The following DRC8 variants were observed in gnomAD, a reference collection of about 807,000 sequenced individuals.
DRC8 encodes dynein regulatory complex protein 8.
At chr1:245,039,472 C>CT in the DRC8 span, among the ~76,000 whole-genome samples, 1 of 127,048 alleles carries the variant, frequency 7.9e-6, no homozygotes, top group Non-Finnish European at 1.6e-5. Flanking sequence ...GACGCTGCCT[C>CT]TTAAAAAAAA....
chr1:245,014,031 C>CAAAAAAAAAAAAAAAAAAAGAAAAAA, the DRC8 span, among the ~76,000 whole-genome samples: 3 of 93,144 alleles, frequency 3.2e-5, no homozygotes, highest in Non-Finnish European at 5.8e-5. Context: ...GACTCCATCT[C>CAAAAAAAAAAAAAAAAAAAGAAAAAA]AAAAAAAAAA....
At chr1:245,022,732 T>C in the DRC8 span, among the ~76,000 whole-genome samples, 1 of 152,156 alleles carries the variant, frequency 6.6e-6, no homozygotes, top group Non-Finnish European at 1.5e-5. Flanking sequence ...TGTGTGTGTG[T>C]GTGCATGTGT....
chr1:245,113,764 C>A, the DRC8 span, among the ~76,000 whole-genome samples: 10 of 152,124 alleles, frequency 6.6e-5, no homozygotes, highest in South Asian at 2.1e-4. Context: ...ACACTTTACG[C>A]GCTTTATCTC....
the DRC8 span, among the ~76,000 whole-genome samples, chr1:244,978,474 A>T: frequency 6.9e-6 from 1 of 144,576 alleles, no homozygotes; most frequent in Non-Finnish European, 1.5e-5. Flanking sequence ...CTAGGCAACA[A>T]GAGCGGAACT....
chr1:245,077,962 C>T, the DRC8 span, among the ~76,000 whole-genome samples: 1 of 151,990 alleles, frequency 6.6e-6, no homozygotes, highest in Admixed American at 6.6e-5. Flanking sequence ...ATACATTTGA[C>T]AAGGGATTAA....
the DRC8 span, among the ~76,000 whole-genome samples, chr1:245,070,164 G>C: frequency 6.6e-6 from 1 of 152,126 alleles, no homozygotes; most frequent in Non-Finnish European, 1.5e-5. Flanking sequence ...TGAGGAGTCC[G>C]GGAACCAATC....
the DRC8 span, among the ~76,000 whole-genome samples, chr1:245,096,412 G>A: frequency 6.6e-6 from 1 of 152,238 alleles, no homozygotes; most frequent in Non-Finnish European, 1.5e-5. Context: ...CTGTGACAGT[G>A]TTTCCTAATG....
At chr1:245,092,075 G>A in the DRC8 span, among the ~76,000 whole-genome samples, 1 of 152,186 alleles carries the variant, frequency 6.6e-6, no homozygotes, top group African/African-American at 2.4e-5. Context: ...AGAGTCTGGC[G>A]ATCTTGTGCT....
the DRC8 span, among the ~76,000 whole-genome samples, chr1:244,997,244 A>G: frequency 6.6e-6 from 1 of 151,938 alleles, no homozygotes; most frequent in Non-Finnish European, 1.5e-5. Context: ...TCCTTCCAAC[A>G]CTTTCCATAG....
the DRC8 span, among the ~76,000 whole-genome samples, chr1:244,996,190 C>G: frequency 6.6e-6 from 1 of 152,186 alleles, no homozygotes; most frequent in Non-Finnish European, 1.5e-5. Flanking sequence ...GGCAGAGACT[C>G]TGCTTTCCTG....
chr1:245,004,350 T>C, the DRC8 span, among the ~76,000 whole-genome samples: 7 of 152,060 alleles, frequency 4.6e-5, no homozygotes, highest in African/African-American at 1.7e-4. Flanking sequence ...AAAACAAAAG[T>C]ATACTGACAC....
chr1:245,090,370 G>A, the DRC8 span, among the ~76,000 whole-genome samples: 8 of 152,282 alleles, frequency 5.3e-5, no homozygotes, highest in South Asian at 1.0e-3. Flanking sequence ...TTGAAATTTC[G>A]CTTCGATGTG....
At chr1:245,045,844 G>T in the DRC8 span, among the ~76,000 whole-genome samples, 1 of 152,126 alleles carries the variant, frequency 6.6e-6, no homozygotes, top group Non-Finnish European at 1.5e-5. Context: ...GACTCAACCC[G>T]CAGTCAGTCT....
the DRC8 span, chr1:244,970,705 T>G: frequency 2.0e-6 from 1 of 488,114 alleles, no homozygotes; most frequent in Non-Finnish European, 3.5e-6. Context: ...CCCTCCCTCT[T>G]CTCTCTCCCC....
the DRC8 span, among the ~76,000 whole-genome samples, chr1:245,117,002 A>G: frequency 6.6e-6 from 1 of 152,224 alleles, no homozygotes; most frequent in East Asian, 1.9e-4. Flanking sequence ...GAAGCTCCCA[A>G]AGATATCCAA....
the DRC8 span, among the ~76,000 whole-genome samples, chr1:245,081,378 GT>G: frequency 6.6e-6 from 1 of 151,994 alleles, no homozygotes; most frequent in Non-Finnish European, 1.5e-5. Flanking sequence ...AGCCAGGATG[GT>G]CTCCATCTGC....
At chr1:245,037,608 A>G in the DRC8 span, among the ~76,000 whole-genome samples, 1 of 152,196 alleles carries the variant, frequency 6.6e-6, no homozygotes, top group African/African-American at 2.4e-5. Flanking sequence ...AGTATTGACT[A>G]GAGGTATTAA....
chr1:245,081,499 C>T, the DRC8 span, among the ~76,000 whole-genome samples: 5 of 151,852 alleles, frequency 3.3e-5, no homozygotes, highest in South Asian at 2.1e-4. Flanking sequence ...GATGGAGTCT[C>T]GCTCTGTTGC....
chr1:245,104,503 T>TAAA, the DRC8 span, among the ~76,000 whole-genome samples: 19 of 117,766 alleles, frequency 1.6e-4, no homozygotes, highest in Admixed American at 7.2e-4. Context: ...GACTCTGTCA[T>TAAA]AAAAAAAAAA....
Sources: allele counts gnomAD v4.1 joint callset (sites outside exome capture counted in the v4.1 genomes callset), GRCh38; gene constraint gnomAD v4.1.1; transcripts MANE v1.5; gene names NCBI Gene and HGNC (gene_info 2026-07-23, HGNC 2026-07-21).